Variants in CDC73 observed in about 807,000 individuals in gnomAD.
CDC73 encodes the protein parafibromin.
In CDC73, 21 loss-of-function variants were observed where a neutral mutation model predicts 83.7. The observed-to-expected ratio is 0.25, with a 90% CI of 0.18 to 0.36. CDC73 has a LOEUF of 0.36. CDC73 is among the 10% of genes least tolerant of loss of function. CDC73 has a pLI of 1.00. For missense variants in CDC73, 342 were observed against 653.3 expected (o/e 0.52, Z 5.19); for synonymous variants, 224 against 212.9 (o/e 1.05, Z -0.45).
intron 14 of CDC73, among the ~76,000 whole-genome samples, chr1:193,234,204 CACACACACACACACACAT>C (rs1194747112): frequency 2.2e-5 from 1 of 46,110 alleles, no homozygotes; most frequent in Non-Finnish European, 4.5e-5. Context: ...CACACACACA[CACACACACACACACACAT>C]ATATATATTT....
At chr1:193,133,931 GAAA>G (rs1209688444) in intron 3 of CDC73, among the ~76,000 whole-genome samples, 1 of 149,840 alleles carries the variant, frequency 6.7e-6, no homozygotes, top group Non-Finnish European at 1.5e-5. Flanking sequence ...TAACCTGATA[GAAA>G]AAAATCTGTA....
At chr1:193,198,819 A>G (rs992985538) in intron 10 of CDC73, among the ~76,000 whole-genome samples, 1 of 152,220 alleles carries the variant, frequency 6.6e-6, no homozygotes. Context: ...CTTACTAGGC[A>G]TGTGACCTGG....
intron 13 of CDC73, among the ~76,000 whole-genome samples, chr1:193,217,472 T>C (rs1572205544): frequency 6.6e-6 from 1 of 151,936 alleles, no homozygotes; most frequent in Admixed American, 6.6e-5. Context: ...TCCCCTGGAG[T>C]CCAGCCGCTG....
intron 10 of CDC73, among the ~76,000 whole-genome samples, chr1:193,159,714 A>C (rs1020087907): frequency 1.3e-5 from 2 of 152,176 alleles, no homozygotes; most frequent in Non-Finnish European, 2.9e-5. Context: ...TTATTGCATA[A>C]ATGTTTTTAT....
At chr1:193,165,480 C>T (rs925804677) in intron 10 of CDC73, among the ~76,000 whole-genome samples, 1 of 152,158 alleles carries the variant, frequency 6.6e-6, no homozygotes, top group African/African-American at 2.4e-5. Flanking sequence ...GAACGTTTTA[C>T]ACAGTCTCAG....
chr1:193,152,337 A>C (rs1472745071), intron 9 of CDC73, 43 bp from the exon 10 acceptor site: 9 of 1,240,378 alleles, frequency 7.3e-6, no homozygotes, highest in Non-Finnish European at 1.1e-5. Context: ...CATAAGATAC[A>C]TGATCTATAA....
intron 10 of CDC73, among the ~76,000 whole-genome samples, chr1:193,184,053 A>G (rs1279111061): frequency 6.6e-6 from 1 of 151,870 alleles, no homozygotes; most frequent in Non-Finnish European, 1.5e-5. Flanking sequence ...ATTATTGCAT[A>G]TTGTAATGTA....
At chr1:193,138,018 T>G in intron 5 of CDC73, 67 bp from the exon 6 acceptor site, 1 of 1,136,024 alleles carries the variant, frequency 8.8e-7, no homozygotes. Context: ...AAAAGTTACA[T>G]GTAGCGTTTT....
intron 10 of CDC73, among the ~76,000 whole-genome samples, chr1:193,201,092 G>A (rs1338653505): frequency 8.2e-5 from 1 of 12,212 alleles, no homozygotes; most frequent in Non-Finnish European, 2.0e-4. Context: ...TGTATTGGCG[G>A]GGGTGGGTGT....
chr1:193,170,325 TG>T (rs1421690153), intron 10 of CDC73, among the ~76,000 whole-genome samples: 1 of 152,238 alleles, frequency 6.6e-6, no homozygotes, highest in Non-Finnish European at 1.5e-5. Context: ...ATGAGATTGC[TG>T]GGTTCAGTGG....
intron 10 of CDC73, chr1:193,179,233 C>T (rs1307288319): frequency 6.6e-6 from 1 of 152,092 alleles, no homozygotes; most frequent in East Asian, 1.9e-4. Flanking sequence ...ACTTGGCACT[C>T]CAAGAAAGAA....
intron 10 of CDC73, among the ~76,000 whole-genome samples, chr1:193,187,781 T>G (rs1228407626): frequency 6.6e-6 from 1 of 152,182 alleles, no homozygotes; most frequent in Non-Finnish European, 1.5e-5. Flanking sequence ...GAAATGTGCT[T>G]TGTAGTTTTA....
intron 10 of CDC73, among the ~76,000 whole-genome samples, chr1:193,203,221 T>C (rs1677121724): frequency 6.6e-6 from 1 of 152,140 alleles, no homozygotes; most frequent in Admixed American, 6.5e-5. Context: ...TCAGTAATTA[T>C]TGAGATTTGT....
At chr1:193,239,826 A>G (rs935959053) in intron 15 of CDC73, among the ~76,000 whole-genome samples, 1 of 152,164 alleles carries the variant, frequency 6.6e-6, no homozygotes, top group African/African-American at 2.4e-5. Context: ...TCTGCTTTTG[A>G]ACATTAGAAT....
At chr1:193,246,676 C>T (rs1226636649) in intron 15 of CDC73, among the ~76,000 whole-genome samples, 1 of 152,074 alleles carries the variant, frequency 6.6e-6, no homozygotes, top group Admixed American at 6.5e-5. Flanking sequence ...CCACTTTTCT[C>T]TTGCCACCCA....
intron 9 of CDC73, among the ~76,000 whole-genome samples, 190 bp from the exon 10 acceptor site, chr1:193,152,189 AT>A (rs1676125709): frequency 6.6e-6 from 1 of 152,118 alleles, no homozygotes; most frequent in South Asian, 2.1e-4. Context: ...ATATATTAAT[AT>A]TTTTTAACCT....
At chr1:193,218,352 C>A (rs140344491) in intron 13 of CDC73, among the ~76,000 whole-genome samples, 4 of 152,206 alleles carry the variant, frequency 2.6e-5, no homozygotes, top group Non-Finnish European at 4.4e-5. Context: ...AAACAACTTA[C>A]AGATTCACTG....
At chr1:193,140,498 G>A (rs1267478639) in intron 6 of CDC73, among the ~76,000 whole-genome samples, 12 of 152,166 alleles carry the variant, frequency 7.9e-5, no homozygotes, top group Admixed American at 6.5e-4. Flanking sequence ...TGTCGTTTAA[G>A]GGAAGCACTT....
In CDC73 at chr1:193,234,222, T is replaced by C. The variant is rs867484684; in HGVS notation, c.1316+1068T>C. ...ACACACACACACACACACACACACA[T>C]ATATATATTTAAAATTTATATATTT... On this transcript the variant is annotated intron_variant, in intron 14 of 16. Coordinates refer to ENST00000367435, the MANE Select transcript of CDC73 (RefSeq NM_024529.5). Among the ~76,000 whole-genome samples, 661 of 103,266 alleles carry C rather than the reference T, an allele frequency of 6.4e-3. 1 individual carries two copies. The highest frequency in any genetic ancestry group is 0.013 in the East Asian group (48 of 3,638). 67.7% of individuals were successfully genotyped at this position (103,266 alleles called of 152,430 possible). A position where few individuals can be genotyped will look rare whatever the true frequency, so the allele number is the denominator to read the frequency against.
Sources: gnomAD v4.1 joint callset for allele counts (sites outside exome capture counted in the v4.1 genomes callset) on GRCh38, gnomAD v4.1.1 for gene constraint, MANE v1.5 for transcripts, NCBI Gene and HGNC (gene_info 2026-07-23, HGNC 2026-07-21) for gene names.